Variants in SORCS3 observed in about 807,000 individuals in gnomAD.
The protein encoded by SORCS3 is VPS10 domain-containing receptor SorCS3.
SORCS3 carries 57 observed loss-of-function variants against 146.3 expected under a neutral mutation model. That is an observed-to-expected ratio of 0.39 (90% CI 0.31 to 0.49). The LOEUF is 0.49. SORCS3 is among the 20% of genes least tolerant of loss of function. The probability of loss-of-function intolerance (pLI) is 0.92; values close to 1 mark genes in which losing one functional copy is unlikely to be tolerated. For synonymous variants in SORCS3, 653 were observed against 618.5 expected (o/e 1.06, Z -0.83); for missense variants, 1,341 against 1,575.5 (o/e 0.85, Z 2.52).
chr10:104,870,964 G>A (rs2018513139), intron 2 of SORCS3, among the ~76,000 whole-genome samples: 1 of 152,144 alleles, frequency 6.6e-6, no homozygotes, highest in South Asian at 2.1e-4. Context: ...AGAGACTACA[G>A]CCACACAAAG....
chr10:104,749,478 G>T (rs1022614135), intron 1 of SORCS3, among the ~76,000 whole-genome samples: 1 of 152,096 alleles, frequency 6.6e-6, no homozygotes, highest in African/African-American at 2.4e-5. Flanking sequence ...TCAATATAAA[G>T]GGTGGATTTT....
intron 1 of SORCS3, among the ~76,000 whole-genome samples, chr10:104,756,198 T>C (rs1188521278): frequency 6.6e-6 from 1 of 152,174 alleles, no homozygotes; most frequent in Non-Finnish European, 1.5e-5. Flanking sequence ...GGATGCATGG[T>C]GGTGAACTAA....
At chr10:105,022,723 G>T (rs2133689881) in intron 4 of SORCS3, among the ~76,000 whole-genome samples, 1 of 152,230 alleles carries the variant, frequency 6.6e-6, no homozygotes, top group East Asian at 1.9e-4. Context: ...AAAGGACATT[G>T]TTATTGTGAC....
chr10:105,258,552 G>A (rs1044613172), intron 25 of SORCS3, among the ~76,000 whole-genome samples: 15 of 152,194 alleles, frequency 9.9e-5, no homozygotes, highest in African/African-American at 9.6e-5. Flanking sequence ...CCTGTAAAGA[G>A]TCTTTTGTGG....
chr10:105,191,137 A>T lies in SORCS3; in HGVS notation c.2010-8862A>T, dbSNP rs542689415. On this transcript the variant is annotated intron_variant, in intron 14 of 26. Transcript: ENST00000369701. ...ACCTGTGATGCATAAGGCACAACTT[A>T]TGTGAGTTGCAAAGTTCTAAGAAGT... is the stretch of plus-strand genomic sequence containing the variant. Among the ~76,000 whole-genome samples the T allele has an allele frequency of 2.0e-5, 3 of 152,360 alleles. No individual in the cohort carries two copies. In the East Asian group the frequency reaches 5.8e-4, roughly 29 times the overall value.
chr10:104,641,306 G>C lies in SORCS3; in HGVS notation c.-22G>C. 9.4e-6 allele frequency: 12 copies of C among 1,275,530 alleles called. No homozygotes were observed. Among genetic ancestry groups the C allele is most frequent in the Non-Finnish European group, 1.2e-5 (12 of 1,014,150 alleles). The allele number at this position is 1,275,530 out of a possible 1,614,324, so 79.0% of individuals were successfully genotyped here. Reference sequence around the variant, plus strand: ...GCGGGCGCCACACACTCGGCAGCCCGAGCCGCGGTAGCCGCAGCGGGATGG... The same window carrying C: ...GCGGGCGCCACACACTCGGCAGCCCCAGCCGCGGTAGCCGCAGCGGGATGG... On this transcript the variant is annotated 5_prime_UTR_variant, in exon 1 of 27. Coordinates refer to ENST00000369701, the MANE Select transcript of SORCS3 (RefSeq NM_014978.3). This position sits in a 1 kb window ranked among gnomAD's most constrained non-coding sequence, Gnocchi z 6.4.
At chr10:105,006,503 TA>T (rs2055096250) in intron 4 of SORCS3, among the ~76,000 whole-genome samples, 1 of 152,176 alleles carries the variant, frequency 6.6e-6, no homozygotes, top group Non-Finnish European at 1.5e-5. Context: ...ACTGATCCAC[TA>T]AAATATAAGT....
At chr10:105,132,373 A>G (rs1169883683) in intron 7 of SORCS3, among the ~76,000 whole-genome samples, 2 of 152,196 alleles carry the variant, frequency 1.3e-5, no homozygotes, top group African/African-American at 2.4e-5. Context: ...AGCACCCAAT[A>G]TAGAATATAA....
chr10:105,096,456 C>G (rs2055747447), intron 6 of SORCS3, among the ~76,000 whole-genome samples: 1 of 152,144 alleles, frequency 6.6e-6, no homozygotes, highest in South Asian at 2.1e-4. Flanking sequence ...ATAAAAAGGA[C>G]ACAATCAGCA....
At chr10:104,880,305 G>T (rs999807398) in intron 2 of SORCS3, among the ~76,000 whole-genome samples, 2 of 151,126 alleles carry the variant, frequency 1.3e-5, no homozygotes, top group African/African-American at 4.8e-5. Context: ...AAAACTATTG[G>T]ACAGCAAAGT....
At chr10:105,064,153 T>C (rs1203481107) in intron 5 of SORCS3, among the ~76,000 whole-genome samples, 1 of 152,222 alleles carries the variant, frequency 6.6e-6, no homozygotes, top group Non-Finnish European at 1.5e-5. Flanking sequence ...TTAGCACTTA[T>C]GGTGTAGCAA....
rs941384589 is a variant in SORCS3 at position 105,147,749 on chromosome 10, A to T, written c.1435A>T (p.Lys479Ter). The T allele has an allele frequency of 6.2e-7, 1 of 1,613,040 alleles. No homozygotes were observed. The highest frequency in any genetic ancestry group is 8.5e-7 in the Non-Finnish European group (1 of 1,179,284). ...CTTCACTCTGGCCATGGAGAACATCAAGAGCAGCAGAGGTCTAATGGGGAA... is the reference window on the plus strand; with the variant it reads ...CTTCACTCTGGCCATGGAGAACATCTAGAGCAGCAGAGGTCTAATGGGGAA... The part of the protein sequence containing the change: ...IYFTLAMENI[K>*]SSRGLMGNII... The change falls in exon 9 of 27, where the codon AAG becomes TAG. Residue 479 changes from lysine to a stop codon, truncating the protein, a stop_gained. Transcript: ENST00000369701. LOFTEE classifies it high-confidence loss of function.
chr10:104,958,990 C>T (rs141201904), intron 3 of SORCS3, among the ~76,000 whole-genome samples: 105 of 152,126 alleles, frequency 6.9e-4, no homozygotes, highest in African/African-American at 2.5e-3. Flanking sequence ...TCCATGAACA[C>T]GTGGGGATTA....
chr10:105,019,331 A>G (rs577174875), intron 4 of SORCS3, among the ~76,000 whole-genome samples: 9 of 152,308 alleles, frequency 5.9e-5, no homozygotes, highest in African/African-American at 2.2e-4. Flanking sequence ...ACATAGGAGA[A>G]TGGCCAGTTG....
At position 104,871,547 on chromosome 10, in the gene SORCS3, G is replaced by A. The variant is rs146555926; in HGVS notation, c.695+28688G>A. 5.6e-3 allele frequency among the ~76,000 whole-genome samples: 851 copies of A among 152,286 alleles called. 11 individuals are homozygous for A. Among genetic ancestry groups the A allele is most frequent in the African/African-American group, 0.016 (648 of 41,558 alleles). On this transcript the variant is annotated intron_variant, in intron 2 of 26. Coordinates refer to ENST00000369701, the MANE Select transcript of SORCS3 (RefSeq NM_014978.3). ...CCAGAAAGATAAATGAGAATTGGTGGCTGTATTTAATTATGCAGCCTTCTG... is the reference window on the plus strand; with the variant it reads ...CCAGAAAGATAAATGAGAATTGGTGACTGTATTTAATTATGCAGCCTTCTG...
intron 7 of SORCS3, among the ~76,000 whole-genome samples, chr10:105,108,886 A>C (rs542280450): frequency 6.6e-5 from 10 of 152,276 alleles, no homozygotes; most frequent in Admixed American, 2.0e-4. Flanking sequence ...CATTTAATCC[A>C]CCTTTTTCTT....
chr10:104,734,393 A>G (rs1279120334), intron 1 of SORCS3, among the ~76,000 whole-genome samples: 1 of 152,254 alleles, frequency 6.6e-6, no homozygotes, highest in Non-Finnish European at 1.5e-5. Flanking sequence ...GCAACAGCAA[A>G]GCTCAGGCAC....
At chr10:104,812,225 G>A (rs1191821682) in intron 1 of SORCS3, among the ~76,000 whole-genome samples, 1 of 152,000 alleles carries the variant, frequency 6.6e-6, no homozygotes, top group African/African-American at 2.4e-5. Context: ...CACTAGCTAG[G>A]CCCCATCCTT....
chr10:104,929,655 T>C (rs2019187015), intron 3 of SORCS3, among the ~76,000 whole-genome samples: 1 of 152,204 alleles, frequency 6.6e-6, no homozygotes, highest in Non-Finnish European at 1.5e-5. Context: ...AGCTGGCCCC[T>C]GGGGACACAG....
Sources: allele counts gnomAD v4.1 joint callset (sites outside exome capture counted in the v4.1 genomes callset), GRCh38; gene constraint gnomAD v4.1.1; non-coding constraint Gnocchi (gnomAD v3.1); transcripts MANE v1.5; gene names NCBI Gene and HGNC (gene_info 2026-07-23, HGNC 2026-07-21).